The following ARSK variants were observed in gnomAD, a reference collection of about 807,000 sequenced individuals.
ARSK encodes the protein arylsulfatase K.
Under a neutral mutation model 53.2 loss-of-function variants are expected in ARSK, and 37 were observed. The observed-to-expected ratio is 0.70, with a 90% confidence interval of 0.54 to 0.92. The LOEUF (loss-of-function observed/expected upper bound fraction) is 0.92. Among genes scored for constraint, ARSK ranks in the 40% least tolerant of loss-of-function variants. The pLI, the probability that ARSK is intolerant of heterozygous loss-of-function variation, is 0.00. For missense variants in ARSK, 613 were observed against 643.0 expected, an observed-to-expected ratio of 0.95 and a Z score of 0.51; for synonymous variants, 208 against 223.2, an observed-to-expected ratio of 0.93 and a Z score of 0.61.
At chr5:95,573,045 C>A (rs1411356981) in intron 3 of ARSK, among the ~76,000 whole-genome samples, 1 of 152,166 alleles carries the variant, frequency 6.6e-6, no homozygotes, top group Admixed American at 6.5e-5. Flanking sequence ...CCTTCCCTAA[C>A]AAAGAATCAT....
Position 95,556,200 on chromosome 5 carries a change from T to A in ARSK, c.126+796T>A, listed in dbSNP as rs922184135. ...TTGTAATCATATGTTGTATTTCCTT[T>A]CTCGTAGATTCCTGATGATTAAAAT... On this transcript the variant is annotated intron_variant, in intron 1 of 7. Coordinates refer to ENST00000380009, the MANE Select transcript of ARSK (RefSeq NM_198150.3). 7 of 702,242 alleles carry A rather than the reference T, an allele frequency of 1.0e-5. No individual in the cohort carries two copies. In the African/African-American group the frequency reaches 1.2e-4, roughly 12 times the overall value. The allele number at this position is 702,242 out of a possible 1,614,324, so 43.5% of individuals were successfully genotyped here.
intron 3 of ARSK, among the ~76,000 whole-genome samples, chr5:95,580,524 T>C (rs1749004802): frequency 6.6e-6 from 1 of 152,228 alleles, no homozygotes; most frequent in Admixed American, 6.5e-5. Flanking sequence ...TAATAGATTA[T>C]GAAGTTGCAT....
intron 6 of ARSK, among the ~76,000 whole-genome samples, chr5:95,595,000 C>T (rs1749281304): frequency 6.6e-6 from 1 of 152,060 alleles, no homozygotes; most frequent in Admixed American, 6.5e-5. Flanking sequence ...AGGAAATAAC[C>T]TGTAGATATG....
chr5:95,588,196 C>T (rs371305600), intron 5 of ARSK, among the ~76,000 whole-genome samples: 1 of 151,606 alleles, frequency 6.6e-6, no homozygotes, highest in African/African-American at 2.4e-5. Context: ...TAACAACTCC[C>T]TTACATCAAG....
intron 6 of ARSK, among the ~76,000 whole-genome samples, chr5:95,593,945 G>A (rs1233520704): frequency 2.0e-5 from 3 of 152,126 alleles, no homozygotes; most frequent in Non-Finnish European, 4.4e-5. Context: ...TTTATTAACA[G>A]CATTTAGATC....
intron 5 of ARSK, among the ~76,000 whole-genome samples, chr5:95,590,089 T>C (rs1233549585): frequency 6.6e-6 from 1 of 152,212 alleles, no homozygotes; most frequent in Non-Finnish European, 1.5e-5. Flanking sequence ...TACAGTAATA[T>C]GCAAGTTGTA....
Position 95,600,853 on chromosome 5 carries a change from CT to C in ARSK, c.1104del (p.Gly369GlufsTer8). 6.2e-7 allele frequency: 1 copy of C among 1,612,916 alleles called. No homozygotes were observed. The highest frequency in any genetic ancestry group is 8.5e-7 in the Non-Finnish European group (1 of 1,178,980). ...VDIYPTMLDI[A>X]GIPLPQNLSG... is the part of the protein sequence containing the mutation. The stretch of plus-strand genomic sequence containing the variant: ...GGTTATTTTTGTTACATAGATATTG[CT>C]GGAATTCCTCTGCCTCAGAACCTGA... On this transcript the variant is annotated frameshift_variant, in exon 7 of 8. Coordinates refer to ENST00000380009, the MANE Select transcript of ARSK (RefSeq NM_198150.3). LOFTEE classifies it high-confidence loss of function.
intron 1 of ARSK, among the ~76,000 whole-genome samples, chr5:95,557,450 A>T (rs986501567): frequency 6.6e-6 from 1 of 152,212 alleles, no homozygotes; most frequent in African/African-American, 2.4e-5. Context: ...GCATTAATGC[A>T]ATTACTTATT....
At chr5:95,580,647 G>T (rs1749006657) in intron 3 of ARSK, among the ~76,000 whole-genome samples, 1 of 152,206 alleles carries the variant, frequency 6.6e-6, no homozygotes. Flanking sequence ...GCAGCCTACT[G>T]CTTAGGCTGC....
chr5:95,566,229 C>T (rs1014946599), intron 2 of ARSK, 102 bp downstream of exon 2: 2 of 1,411,352 alleles, frequency 1.4e-6, no homozygotes, highest in South Asian at 2.7e-5. Context: ...TGTATTTGGC[C>T]TCAATAAAAT....
chr5:95,591,729 G>C (rs1749221064), intron 6 of ARSK, 104 bp downstream of exon 6: 1 of 1,070,032 alleles, frequency 9.3e-7, no homozygotes, highest in Non-Finnish European at 1.4e-6. Flanking sequence ...AGGTCCTGCT[G>C]ACTTGTTTAT....
At chr5:95,595,151 CA>C (rs1045833068) in intron 6 of ARSK, among the ~76,000 whole-genome samples, 4 of 152,004 alleles carry the variant, frequency 2.6e-5, no homozygotes, top group African/African-American at 9.7e-5. Flanking sequence ...TCATAGCAGT[CA>C]AAATGGCAAT....
intron 5 of ARSK, among the ~76,000 whole-genome samples, chr5:95,589,521 A>G (rs1247813354): frequency 6.6e-6 from 1 of 152,204 alleles, no homozygotes; most frequent in Non-Finnish European, 1.5e-5. Context: ...AAGTGAGAAC[A>G]TGCAGTGTTT....
chr5:95,581,894 A>T (rs931532981), intron 3 of ARSK, among the ~76,000 whole-genome samples: 3 of 152,136 alleles, frequency 2.0e-5, no homozygotes, highest in Non-Finnish European at 2.9e-5. Flanking sequence ...TTTTATCAAA[A>T]TATATTGAAT....
rs759768543 is a variant in ARSK, at chr5:95,603,533, A to G, written c.*7A>G. On this transcript the variant is annotated 3_prime_UTR_variant, in exon 8 of 8. Transcript: ENST00000380009. ...GAATCCAAGAGCAGTTTGAACAAAA[A>G]GTTTAAAAATAGTGTTCTAGAGATA... The G allele has an allele frequency of 6.3e-7, 1 of 1,579,774 alleles. No homozygotes were observed. Among genetic ancestry groups the G allele is most frequent in the African/African-American group, 1.4e-5 (1 of 73,240 alleles).
intron 1 of ARSK, among the ~76,000 whole-genome samples, chr5:95,561,697 CAT>C (rs1178391615): frequency 1.3e-5 from 2 of 152,116 alleles, no homozygotes; most frequent in African/African-American, 2.4e-5. Context: ...AAAAAGCAAA[CAT>C]AGAGCCGGAA....
rs376824637 is a variant in ARSK at position 95,603,524 on chromosome 5, T to G, written c.1609T>G (p.Ter537GlyextTer9). The G allele has an allele frequency of 3.2e-5, 51 of 1,586,620 alleles. No individual in the cohort carries two copies. Among genetic ancestry groups the G allele is most frequent in the Non-Finnish European group, 4.4e-5 (51 of 1,170,360 alleles). Residue 537 changes from the stop codon to glycine (G), a stop_lost, in exon 8 of 8, where the codon TGA becomes GGA. Coordinates refer to ENST00000380009, the MANE Select transcript of ARSK (RefSeq NM_198150.3). ...AACCCATATGAATCCAAGAGCAGTT[T>G]GAACAAAAAGTTTAAAAATAGTGTT... is the stretch of plus-strand genomic sequence containing the variant. ...LKTHMNPRAV[*>G] is the part of the protein sequence containing the mutation.
chr5:95,556,224 A>G (rs1379275993), intron 1 of ARSK: 3 of 702,430 alleles, frequency 4.3e-6, no homozygotes, highest in Non-Finnish European at 7.8e-6. Context: ...GATGATTAAA[A>G]TTACATAGTC....
At chr5:95,565,424 T>C (rs1195673484) in intron 1 of ARSK, among the ~76,000 whole-genome samples, 1 of 152,168 alleles carries the variant, frequency 6.6e-6, no homozygotes, top group South Asian at 2.1e-4. Context: ...CTCACAGATA[T>C]CTCAAACTTT....
Sources: allele counts gnomAD v4.1 joint callset (sites outside exome capture counted in the v4.1 genomes callset), GRCh38; gene constraint gnomAD v4.1.1; transcripts MANE v1.5; gene names NCBI Gene and HGNC (gene_info 2026-07-23, HGNC 2026-07-21).